MAN1A1: variants seen among roughly 807,000 people sequenced by gnomAD.
MAN1A1 encodes mannosyl-oligosaccharide 1,2-alpha-mannosidase IA.
In MAN1A1, 29 loss-of-function variants were observed where a neutral mutation model predicts 70.8. The ratio of observed to expected loss-of-function variants is 0.41; its 90% CI spans 0.31 to 0.56. MAN1A1 has a LOEUF of 0.56. MAN1A1 is among the 20% of genes least tolerant of loss of function. MAN1A1 has a pLI of 0.29. For missense variants in MAN1A1, 747 were observed against 841.3 expected, an observed-to-expected ratio of 0.89 and a Z score of 1.39; for synonymous variants, 349 against 330.1, an observed-to-expected ratio of 1.06 and a Z score of -0.62.
chr6:119,256,672 AGGTTCT>A (rs1176798616), intron 5 of MAN1A1, among the ~76,000 whole-genome samples: 5 of 152,160 alleles, frequency 3.3e-5, no homozygotes, highest in African/African-American at 7.2e-5. Context: ...CAGGAGCCCT[AGGTTCT>A]GGTTCAGGGC....
chr6:119,258,647 T>C (rs1562214054), intron 5 of MAN1A1, among the ~76,000 whole-genome samples: 1 of 152,184 alleles, frequency 6.6e-6, no homozygotes. Context: ...CCCTGACATA[T>C]TTTAGTTATG....
intron 2 of MAN1A1, among the ~76,000 whole-genome samples, chr6:119,330,119 G>C (rs1773269727): frequency 6.6e-6 from 1 of 152,132 alleles, no homozygotes; most frequent in Non-Finnish European, 1.5e-5. Context: ...TCTTTGTACA[G>C]GACACATTAT....
intron 5 of MAN1A1, among the ~76,000 whole-genome samples, chr6:119,249,542 G>A (rs986628381): frequency 6.6e-6 from 1 of 152,198 alleles, no homozygotes; most frequent in Admixed American, 6.5e-5. Flanking sequence ...AAACAAGGAA[G>A]AAGTGAGAGA....
In MAN1A1 at chr6:119,265,036, C is replaced by T. The variant is rs114738350; in HGVS notation, c.898-16682G>A. On this transcript the variant is annotated intron_variant, in intron 5 of 12. Transcript: ENST00000368468. ...CCTGTCTTATTTTATGTACAACTTT[C>T]CTGAGATACATTTTGTACAACTTTC... Among the ~76,000 whole-genome samples, 839 of 151,970 alleles carry T rather than the reference C, an allele frequency of 5.5e-3. 7 individuals are homozygous for T. Among genetic ancestry groups the T allele is most frequent in the African/African-American group, 0.019 (797 of 41,348 alleles).
At chr6:119,277,548 G>T (rs1462150613) in intron 5 of MAN1A1, among the ~76,000 whole-genome samples, 1 of 152,046 alleles carries the variant, frequency 6.6e-6, no homozygotes, top group Non-Finnish European at 1.5e-5. Context: ...CAGGCCAGGG[G>T]CAGTGGCTCA....
chr6:119,270,840 C>T (rs1006862841), intron 5 of MAN1A1, among the ~76,000 whole-genome samples: 7 of 152,126 alleles, frequency 4.6e-5, no homozygotes, highest in South Asian at 2.1e-4. Context: ...ATGCAATCTG[C>T]GAATTTGGGG....
chr6:119,196,437 G>T (rs1335477441), intron 8 of MAN1A1, among the ~76,000 whole-genome samples: 2 of 152,038 alleles, frequency 1.3e-5, no homozygotes, highest in African/African-American at 4.8e-5. Flanking sequence ...TGTCAACACA[G>T]TCCTGTGTAA....
intron 3 of MAN1A1, among the ~76,000 whole-genome samples, chr6:119,302,678 C>A (rs1029945721): frequency 6.6e-6 from 1 of 152,074 alleles, no homozygotes; most frequent in African/African-American, 2.4e-5. Context: ...CCATACCCGG[C>A]CTGTGATTGC....
chr6:119,310,836 A>G (rs1394413091), intron 2 of MAN1A1, among the ~76,000 whole-genome samples: 1 of 152,222 alleles, frequency 6.6e-6, no homozygotes, highest in Non-Finnish European at 1.5e-5. Context: ...TACAGCAGCT[A>G]TAGAACTATC....
At chr6:119,221,767 T>C (rs1331595877) in intron 6 of MAN1A1, among the ~76,000 whole-genome samples, 2 of 152,080 alleles carry the variant, frequency 1.3e-5, no homozygotes, top group Non-Finnish European at 2.9e-5. Flanking sequence ...AGACCTATTT[T>C]CCAAAACTTT....
chr6:119,254,446 A>G (rs1775407794), intron 5 of MAN1A1, among the ~76,000 whole-genome samples: 1 of 152,236 alleles, frequency 6.6e-6, no homozygotes, highest in Non-Finnish European at 1.5e-5. Context: ...CAAAACTAGT[A>G]CTAAAATGTG....
chr6:119,253,518 G>T (rs4945632), intron 5 of MAN1A1, among the ~76,000 whole-genome samples: 113,604 of 152,084 alleles, frequency 0.75, 42,934 homozygotes, highest in Non-Finnish European at 0.81. Context: ...TTCAAGCATC[G>T]CGACAACTTT....
chr6:119,270,372 T>C (rs1239683773), intron 5 of MAN1A1, among the ~76,000 whole-genome samples: 1 of 152,232 alleles, frequency 6.6e-6, no homozygotes, highest in Non-Finnish European at 1.5e-5. Context: ...ACTATAGTGT[T>C]TTTCTTTTTA....
intron 5 of MAN1A1, among the ~76,000 whole-genome samples, chr6:119,275,507 C>T (rs938273883): frequency 6.7e-6 from 1 of 148,184 alleles, no homozygotes; most frequent in Middle Eastern, 3.2e-3. Flanking sequence ...GGGGTTTCAC[C>T]GTTTTAGCCG....
rs766742624 is a variant in MAN1A1, at chr6:119,290,675, C to T, written c.897+8G>A. 35 of 1,598,694 alleles carry T rather than the reference C, an allele frequency of 2.2e-5. No homozygotes were observed. The highest frequency in any genetic ancestry group is 1.7e-5 in the Admixed American group (1 of 58,564). ...TAATTCACATTTATATACCACTTTT[C>T]ATCTTACCTCTTCTCCAGACAGATA... On this transcript the variant is annotated splice_region_variant and intron_variant, in intron 5 of 12. Coordinates refer to ENST00000368468, the MANE Select transcript of MAN1A1 (RefSeq NM_005907.4).
rs1773809228 is a variant in MAN1A1, at chr6:119,348,651, G to T, written c.415C>A (p.Leu139Met). ...ERALREAKET[L>M]QKLPEEIQRD... ...TGGATCTCCTCGGGCAGCTTCTGCA[G>T]GGTCTCCTTGGCTTCCCTGAGAGCC... The change falls in exon 2 of 13, where the codon CTG becomes ATG. Residue 139 changes from leucine (L) to methionine (M), a missense_variant. Leu to Met is a conservative substitution (Grantham distance 15). This residue lies in a region of MAN1A1 where 328 missense variants were observed against 293.1 expected (regional missense o/e 1.12). Transcript: ENST00000368468. 1 of 1,613,594 alleles carries T rather than the reference G, an allele frequency of 6.2e-7. No individual in the cohort carries two copies. Among genetic ancestry groups the T allele is most frequent in the African/African-American group, 1.3e-5 (1 of 74,918 alleles).
chr6:119,270,283 A>G (rs1253908119), intron 5 of MAN1A1, among the ~76,000 whole-genome samples: 1 of 152,214 alleles, frequency 6.6e-6, no homozygotes, highest in African/African-American at 2.4e-5. Flanking sequence ...CAGGGGACAT[A>G]CATATATATG....
At chr6:119,185,211 CA>C (rs1261359380) in intron 11 of MAN1A1, among the ~76,000 whole-genome samples, 1 of 151,922 alleles carries the variant, frequency 6.6e-6, no homozygotes. Flanking sequence ...TGAGAAAAAG[CA>C]AAAGAAATTA....
chr6:119,222,223 T>C (rs1250257670), intron 6 of MAN1A1, among the ~76,000 whole-genome samples: 1 of 152,026 alleles, frequency 6.6e-6, no homozygotes, highest in African/African-American at 2.4e-5. Context: ...TTGGCTAATA[T>C]AAAACGTATT....
Sources: gnomAD v4.1 joint callset for allele counts (sites outside exome capture counted in the v4.1 genomes callset) on GRCh38, gnomAD v4.1.1 for gene constraint, gnomAD v4.1.1 regional missense constraint, MANE v1.5 for transcripts, NCBI Gene and HGNC (gene_info 2026-07-23, HGNC 2026-07-21) for gene names.